BRD8: variants seen among roughly 807,000 people sequenced by gnomAD.
BRD8 encodes bromodomain containing 8.
A neutral mutation model predicts 143.1 loss-of-function variants in BRD8; 67 were observed. The ratio of observed to expected loss-of-function variants is 0.47; its 90% CI spans 0.38 to 0.57. The LOEUF (loss-of-function observed/expected upper bound fraction) is 0.57, where lower values mean the gene tolerates loss of function less well. Ranked by LOEUF, BRD8 falls within the 20% of genes least tolerant of loss-of-function variation. The pLI, the probability that BRD8 is intolerant of heterozygous loss-of-function variation, is 0.00. For missense variants in BRD8, 1,103 were observed against 1,503.0 expected (o/e 0.73, Z 4.40); for synonymous variants, 505 against 517.1 (o/e 0.98, Z 0.32).
At position 138,149,650 on chromosome 5, in the gene BRD8, A is replaced by G. The variant is rs774669505; in HGVS notation, c.3268T>C (p.Ser1090Pro). 5.0e-6 allele frequency: 8 copies of G among 1,606,302 alleles called. No individual in the cohort carries two copies. Among genetic ancestry groups the G allele is most frequent in the Non-Finnish European group, 5.9e-6 (7 of 1,177,296 alleles). The change falls in exon 23 of 27, where the codon TCC (serine) becomes CCC (proline). Residue 1090 changes from serine to proline, a missense_variant. By Grantham distance (74) the Ser-to-Pro change is moderately conservative (BLOSUM62 -1). Around this residue, in one of 7 missense-constraint regions of BRD8, gnomAD observed 369 missense variants for 445.5 expected, o/e 0.83. Coordinates refer to ENST00000254900, the MANE Select transcript of BRD8 (RefSeq NM_139199.2). ...LVDTLFSHAT[S>P]SKLTDLSQDD... ...AAAGTCTACGCTTACAGCTTTGAGGAGGTAGCATGGCTGAAAAGTGTATCC... is the reference window on the plus strand; with the variant it reads ...AAAGTCTACGCTTACAGCTTTGAGGGGGTAGCATGGCTGAAAAGTGTATCC...
At position 138,155,465 on chromosome 5, in the gene BRD8, AG is replaced by A. The variant is rs1159248994; in HGVS notation, c.2578-2706del. Among the ~76,000 whole-genome samples the A allele has an allele frequency of 7.5e-4, 114 of 151,330 alleles. 2 individuals carry two copies. The highest frequency in any genetic ancestry group is 4.3e-4 in the Non-Finnish European group (29 of 67,820). ...ACTCCGAATTTAAAAAAAAAAAAAA[AG>A]TTTAGTTGGCCAGGAGCAGTCACTC... On this transcript the variant is annotated intron_variant, in intron 20 of 26. Transcript: ENST00000254900.
At position 138,160,159 on chromosome 5, in the gene BRD8, C is replaced by T. The variant is rs760824840; in HGVS notation, c.2442G>A (p.Thr814=). Residue 814 remains threonine (T), a synonymous_variant, in exon 19 of 27, where the codon ACG becomes ACA. Transcript: ENST00000254900. ...ACTCGGATGTTTGCATAATCAACTG[C>T]GTGGCCAAGAATTGCTGTAGGGAGA... ...VLEQIQQFLA[T]QLIMQTSESG... 3.0e-5 allele frequency: 49 copies of T among 1,613,876 alleles called. No homozygotes were observed. The highest frequency in any genetic ancestry group is 6.7e-5 in the Admixed American group (4 of 60,000).
At chr5:138,140,320 A>G (rs1164744819) in intron 26 of BRD8, among the ~76,000 whole-genome samples, 154 bp from the exon 27 acceptor site, 2 of 152,230 alleles carry the variant, frequency 1.3e-5, no homozygotes, top group African/African-American at 2.4e-5. Flanking sequence ...TCTAGCTACT[A>G]TATCTTATCC....
chr5:138,139,802 A>G lies in BRD8; in HGVS notation c.*272T>C. 4.7e-6 allele frequency: 2 copies of G among 423,626 alleles called. No homozygotes were observed. The highest frequency in any genetic ancestry group is 8.4e-6 in the Non-Finnish European group (2 of 239,332). The allele number at this position is 423,626 out of a possible 1,614,324, so 26.2% of individuals were successfully genotyped here. ...TAAATACATTTATTTATAGAGTAAA[A>G]GGCTTAGAAAAGATCTAATGGAATT... On this transcript the variant is annotated 3_prime_UTR_variant, in exon 27 of 27. Transcript: ENST00000254900.
chr5:138,169,486 G>T, intron 7 of BRD8, 128 bp from the exon 8 acceptor site: 1 of 1,138,172 alleles, frequency 8.8e-7, no homozygotes, highest in Non-Finnish European at 1.2e-6. Context: ...AATAAGTTTG[G>T]ATTAGAAAGC....
At chr5:138,168,675 G>A in intron 8 of BRD8, 1 of 1,584,074 alleles carries the variant, frequency 6.3e-7, no homozygotes, top group Non-Finnish European at 8.6e-7. Flanking sequence ...ACTCGGCAAA[G>A]TCCCGGGGGT....
intron 14 of BRD8, 66 bp from the exon 15 acceptor site, chr5:138,163,410 T>C: frequency 2.6e-6 from 4 of 1,565,116 alleles, no homozygotes; most frequent in Non-Finnish European, 3.5e-6. Context: ...TCATTAAACA[T>C]GATCTGTCTT....
chr5:138,166,182 G>T, intron 10 of BRD8, 74 bp from the exon 11 acceptor site: 1 of 1,010,390 alleles, frequency 9.9e-7, no homozygotes, highest in Non-Finnish European at 1.5e-6. Flanking sequence ...TCACATAAGC[G>T]CTACAGACAG....
At chr5:138,145,666 C>G in intron 24 of BRD8, 123 bp downstream of exon 24, 2 of 832,900 alleles carry the variant, frequency 2.4e-6, no homozygotes, top group Non-Finnish European at 3.9e-6. Context: ...GGCTTAGATA[C>G]AGAATCTACC....
At chr5:138,165,250 T>C (rs1753305345) in intron 11 of BRD8, 84 bp from the exon 12 acceptor site, 1 of 1,412,704 alleles carries the variant, frequency 7.1e-7, no homozygotes, top group Non-Finnish European at 9.6e-7. Flanking sequence ...TGTGATGGCT[T>C]GAATCTGCAG....
chr5:138,168,702 G>A, intron 8 of BRD8: 1 of 1,365,492 alleles, frequency 7.3e-7, no homozygotes, highest in Non-Finnish European at 1.0e-6. Flanking sequence ...AGAGACAACA[G>A]AGAACCTTTA....
At chr5:138,150,483 A>C (rs1175037283) in intron 22 of BRD8, among the ~76,000 whole-genome samples, 1 of 152,232 alleles carries the variant, frequency 6.6e-6, no homozygotes, top group Non-Finnish European at 1.5e-5. Flanking sequence ...CACTGTGCTA[A>C]GTGCTTTACA....
Position 138,170,426 on chromosome 5 carries a change from G to C in BRD8, c.441-17C>G, listed in dbSNP as rs1265673625. The stretch of plus-strand genomic sequence containing the variant: ...TTCTTTTTCCTAAACAGGGAATTAA[G>C]GGTTAGATGCTAGACAGCTCTGGCT... On this transcript the variant is annotated splice_polypyrimidine_tract_variant and intron_variant, in intron 6 of 26. Coordinates refer to ENST00000254900, the MANE Select transcript of BRD8 (RefSeq NM_139199.2). The C allele has an allele frequency of 1.2e-6, 2 of 1,613,650 alleles. No individual in the cohort carries two copies. Among genetic ancestry groups the C allele is most frequent in the East Asian group, 2.2e-5 (1 of 44,892 alleles).
chr5:138,159,050 CAA>C (rs1234720801), intron 20 of BRD8, among the ~76,000 whole-genome samples: 1 of 152,100 alleles, frequency 6.6e-6, no homozygotes, highest in Admixed American at 6.6e-5. Flanking sequence ...CTCAGCCTCC[CAA>C]AGTGTTGGAA....
intron 20 of BRD8, among the ~76,000 whole-genome samples, chr5:138,159,289 C>G (rs535465803): frequency 2.0e-5 from 3 of 151,988 alleles, no homozygotes; most frequent in South Asian, 4.1e-4. Flanking sequence ...CAGGAAATGA[C>G]GAGCAGGTAC....
intron 23 of BRD8, among the ~76,000 whole-genome samples, chr5:138,146,295 T>A (rs1213089609): frequency 7.9e-5 from 12 of 151,628 alleles, no homozygotes. Flanking sequence ...TGGCCTTAAG[T>A]GATCCACCCG....
rs1554104838 is a variant in BRD8 at position 138,177,680 on chromosome 5, G to GGA, written c.20-14_20-13insTC. On this transcript the variant is annotated splice_polypyrimidine_tract_variant and intron_variant, in intron 1 of 26. Transcript: ENST00000254900. ...AGCAGCTTGTGTTCTGGGAAAGGGA[G>GGA]AAAAAAAAAAAAGCCTTGGAAACAA... 5.8e-6 allele frequency: 7 copies of GGA among 1,202,510 alleles called. No homozygotes were observed. In the African/African-American group the frequency reaches 6.5e-5, roughly 11 times the overall value. The allele number at this position is 1,202,510 out of a possible 1,614,324, so 74.5% of individuals were successfully genotyped here. A position where few individuals can be genotyped will look rare whatever the true frequency, so the allele number is the denominator to read the frequency against.
At chr5:138,156,649 A>G (rs1430236772) in intron 20 of BRD8, among the ~76,000 whole-genome samples, 1 of 152,182 alleles carries the variant, frequency 6.6e-6, no homozygotes, top group Non-Finnish European at 1.5e-5. Context: ...ACATTCAAGA[A>G]AATCTGAGTA....
At position 138,178,523 on chromosome 5, in the gene BRD8, C is replaced by A. The variant is rs532930353; in HGVS notation, c.19+73G>T. On this transcript the variant is annotated intron_variant, in intron 1 of 26. Transcript: ENST00000254900. ...CAACCCACTTCTCCCACTCCCTAAG[C>A]GTGTAACAAAAATATGGTGCCTAGC... is the stretch of plus-strand genomic sequence containing the variant. 2.3e-5 allele frequency: 32 copies of A among 1,365,824 alleles called. No homozygotes were observed. In the African/African-American group the frequency reaches 3.8e-4, roughly 16 times the overall value. The allele number at this position is 1,365,824 out of a possible 1,614,324, so 84.6% of individuals were successfully genotyped here.
Sources: gnomAD v4.1 joint callset for allele counts (sites outside exome capture counted in the v4.1 genomes callset) on GRCh38, gnomAD v4.1.1 for gene constraint, gnomAD v4.1.1 regional missense constraint, MANE v1.5 for transcripts, NCBI Gene and HGNC (gene_info 2026-07-23, HGNC 2026-07-21) for gene names.